The following GSN variants were observed in gnomAD, a reference collection of about 807,000 sequenced individuals.
GSN encodes gelsolin.
Under a neutral mutation model 85.7 loss-of-function variants are expected in GSN, and 56 were observed. The ratio of observed to expected loss-of-function variants is 0.65; its 90% CI spans 0.53 to 0.82. The LOEUF (loss-of-function observed/expected upper bound fraction) is 0.82, where lower values mean the gene tolerates loss of function less well. Ranked by LOEUF, GSN falls within the 40% of genes least tolerant of loss-of-function variation. GSN has a pLI of 0.00. For synonymous variants in GSN, 373 were observed against 399.1 expected, an observed-to-expected ratio of 0.93 and a Z score of 0.78; for missense variants, 857 against 979.8, an observed-to-expected ratio of 0.87 and a Z score of 1.67.
Position 121,303,075 on chromosome 9 carries a change from G to GC in GSN, c.351+14dup. On this transcript the variant is annotated intron_variant, in intron 4 of 17. Coordinates refer to ENST00000432226, the MANE Select transcript of GSN (RefSeq NM_198252.3). The stretch of plus-strand genomic sequence containing the variant: ...TGGCCTGAAGTACAAGGTGGGTTGG[G>GC]CCCCACCTTGCTTGAGCGGTAGGGA... The GC allele has an allele frequency of 6.2e-7, 1 of 1,612,156 alleles. No individual in the cohort carries two copies. The highest frequency in any genetic ancestry group is 8.5e-7 in the Non-Finnish European group (1 of 1,179,530).
chr9:121,235,870 T>C (rs544358635), intron 5 of GSN, among the ~76,000 whole-genome samples: 97 of 152,340 alleles, frequency 6.4e-4, no homozygotes, highest in African/African-American at 2.3e-3. Flanking sequence ...AAAAGTAGAA[T>C]GGAAAGCCTT....
At chr9:121,240,305 G>A (rs1480789130) in intron 5 of GSN, among the ~76,000 whole-genome samples, 1 of 152,210 alleles carries the variant, frequency 6.6e-6, no homozygotes, top group African/African-American at 2.4e-5. Flanking sequence ...ACTGTTTTGT[G>A]TAGGGGTTGG....
chr9:121,290,540 T>C (rs1026182700), intron 2 of GSN, among the ~76,000 whole-genome samples: 6 of 152,206 alleles, frequency 3.9e-5, no homozygotes, highest in Non-Finnish European at 8.8e-5. Context: ...ATGTGGAGTT[T>C]TTCTCTTTTA....
chr9:121,259,715 A>G (rs959601918), intron 6 of GSN, among the ~76,000 whole-genome samples: 3 of 121,440 alleles, frequency 2.5e-5, no homozygotes, highest in African/African-American at 5.2e-5. Flanking sequence ...GTAGAGCTTA[A>G]GAGCCGTGAC....
At chr9:121,315,659 C>G (rs1353830524) in intron 7 of GSN, among the ~76,000 whole-genome samples, 1 of 152,062 alleles carries the variant, frequency 6.6e-6, no homozygotes, top group East Asian at 1.9e-4. Context: ...TAGCTCTCCT[C>G]CTAAGGGAGG....
At chr9:121,212,803 C>T (rs2053991758) in intron 4 of GSN, among the ~76,000 whole-genome samples, 1 of 151,992 alleles carries the variant, frequency 6.6e-6, no homozygotes, top group Non-Finnish European at 1.5e-5. Context: ...ACCACCACGC[C>T]TGGCTAATTT....
intron 2 of GSN, chr9:121,286,251 G>A (rs1047669528): frequency 1.4e-5 from 15 of 1,082,696 alleles, no homozygotes; most frequent in East Asian, 2.6e-5. Context: ...AGGGAGACCC[G>A]AGGGAAAGTC....
rs182873507 is a variant in GSN at position 121,239,339 on chromosome 9, C to G, written c.-389+8036C>G. ...ATGGCAATCCACCCAATAGTTGGGT[C>G]ATTAGCCAAGTTCAAAAACAGGCAG... is the stretch of plus-strand genomic sequence containing the variant. On this transcript the variant is annotated intron_variant, in intron 5 of 24. Coordinates refer to the GSN transcript ENST00000373823. 4.3e-5 allele frequency: 19 copies of G among 439,830 alleles called. No individual in the cohort carries two copies. The Admixed American group carries it at 4.5e-4, about 10-fold the overall frequency. The allele number at this position is 439,830 out of a possible 1,614,324, so 27.2% of individuals were successfully genotyped here.
chr9:121,217,335 C>T (rs1002565196), intron 4 of GSN, among the ~76,000 whole-genome samples: 7 of 150,210 alleles, frequency 4.7e-5, no homozygotes, highest in South Asian at 2.1e-4. Context: ...CATTGCACTC[C>T]AGCCTGGGCA....
At chr9:121,316,000 C>T (rs1385140729) in intron 7 of GSN, among the ~76,000 whole-genome samples, 1 of 152,152 alleles carries the variant, frequency 6.6e-6, no homozygotes, top group Admixed American at 6.5e-5. Context: ...GTGACTGGCA[C>T]AGAGTAGTAA....
intron 4 of GSN, among the ~76,000 whole-genome samples, chr9:121,229,131 A>G (rs1351027941): frequency 2.6e-5 from 4 of 152,214 alleles, no homozygotes; most frequent in Admixed American, 2.6e-4. Context: ...TAGAGAGCAC[A>G]TAATTCTCAT....
At chr9:121,224,701 A>C (rs747912388) in intron 4 of GSN, among the ~76,000 whole-genome samples, 6 of 149,986 alleles carry the variant, frequency 4.0e-5, no homozygotes, top group Non-Finnish European at 8.9e-5. Context: ...CTCGTCCTTC[A>C]GTTGGTCAAT....
intron 1 of GSN, among the ~76,000 whole-genome samples, chr9:121,270,364 T>C (rs1411448435): frequency 1.3e-5 from 2 of 152,048 alleles, no homozygotes; most frequent in Non-Finnish European, 1.5e-5. Context: ...AGGGGATGCA[T>C]TGAACGAGGC....
intron 8 of GSN, chr9:121,317,565 T>G: frequency 2.9e-6 from 1 of 339,060 alleles, no homozygotes; most frequent in Non-Finnish European, 5.7e-6. Context: ...GATTTTAAAA[T>G]GTTCGAGTTT....
chr9:121,321,711 AT>A (rs2062476697), intron 11 of GSN, among the ~76,000 whole-genome samples: 1 of 149,596 alleles, frequency 6.7e-6, no homozygotes, highest in Non-Finnish European at 1.5e-5. Flanking sequence ...TCAAGCCAAA[AT>A]TTTTTTAAAT....
At chr9:121,310,125 G>A (rs1025371783) in intron 4 of GSN, 1 of 153,840 alleles carries the variant, frequency 6.5e-6, no homozygotes, top group Admixed American at 6.4e-5. Context: ...GGTTCAATAA[G>A]ATAGGGAAAT....
intron 4 of GSN, among the ~76,000 whole-genome samples, chr9:121,306,111 T>A (rs1387470691): frequency 6.6e-6 from 1 of 152,124 alleles, no homozygotes. Context: ...CAGACCCCCA[T>A]TTTTGGACTG....
chr9:121,212,536 T>C lies in GSN; in HGVS notation c.-528+1669T>C, dbSNP rs531767068. 5.3e-5 allele frequency among the ~76,000 whole-genome samples: 8 copies of C among 152,312 alleles called. No homozygotes were observed. The South Asian group carries it at 1.7e-3, about 32-fold the overall frequency. The stretch of plus-strand genomic sequence containing the variant: ...ACTCTGGGCATTGCTTCAGTACAGA[T>C]TAGAAATTATTTTAGAATCCCCAGA... On this transcript the variant is annotated intron_variant, in intron 4 of 24. Coordinates refer to the GSN transcript ENST00000373823.
At chr9:121,239,241 T>C (rs2054555193) in intron 5 of GSN, 1 of 363,982 alleles carries the variant, frequency 2.7e-6, no homozygotes. Context: ...AACTCATATC[T>C]GTTAGGATAA....
Sources: gnomAD v4.1 joint callset for allele counts (sites outside exome capture counted in the v4.1 genomes callset) on GRCh38, gnomAD v4.1.1 for gene constraint, MANE v1.5 for transcripts, NCBI Gene and HGNC (gene_info 2026-07-23, HGNC 2026-07-21) for gene names.